SEMA3C: variants seen among roughly 807,000 people sequenced by gnomAD.
The protein encoded by SEMA3C is semaphorin 3C.
SEMA3C carries 47 observed loss-of-function variants against 89.4 expected under a neutral mutation model. The ratio of observed to expected loss-of-function variants is 0.53; its 90% confidence interval spans 0.42 to 0.67. SEMA3C has a LOEUF of 0.67. Among genes scored for constraint, SEMA3C ranks in the 30% least tolerant of loss-of-function variants. The pLI, the probability that SEMA3C is intolerant of heterozygous loss-of-function variation, is 0.00. For missense variants in SEMA3C, 839 were observed against 929.1 expected, an observed-to-expected ratio of 0.90 and a Z score of 1.26; for synonymous variants, 310 against 320.2, an observed-to-expected ratio of 0.97 and a Z score of 0.34.
intron 12 of SEMA3C, among the ~76,000 whole-genome samples, chr7:80,785,128 G>C (rs1788773131): frequency 6.6e-6 from 1 of 152,106 alleles, no homozygotes; most frequent in Non-Finnish European, 1.5e-5. Flanking sequence ...GGGAGTAGAA[G>C]GTCAGTATCT....
At chr7:80,901,762 T>C (rs1045563412) in intron 2 of SEMA3C, among the ~76,000 whole-genome samples, 1 of 152,246 alleles carries the variant, frequency 6.6e-6, no homozygotes, top group African/African-American at 2.4e-5. Flanking sequence ...ATCCAATGAG[T>C]AACATGTGTG....
chr7:80,811,495 A>C (rs1221431619), intron 5 of SEMA3C, among the ~76,000 whole-genome samples: 2 of 152,136 alleles, frequency 1.3e-5, no homozygotes, highest in African/African-American at 4.8e-5. Flanking sequence ...TGTCAGTATA[A>C]ATATGTACCT....
intron 2 of SEMA3C, among the ~76,000 whole-genome samples, chr7:80,857,286 T>C (rs774615039): frequency 1.3e-5 from 2 of 152,170 alleles, no homozygotes; most frequent in Non-Finnish European, 1.5e-5. Context: ...ACACGGGCCC[T>C]TTAATGAAGG....
intron 12 of SEMA3C, among the ~76,000 whole-genome samples, chr7:80,776,843 G>C (rs1788559617): frequency 6.6e-6 from 1 of 152,132 alleles, no homozygotes; most frequent in Admixed American, 6.5e-5. Context: ...TCTGAGCTCT[G>C]TGAAAGGAGA....
chr7:80,883,833 A>G (rs530070293), intron 2 of SEMA3C, among the ~76,000 whole-genome samples: 1 of 152,344 alleles, frequency 6.6e-6, no homozygotes, highest in African/African-American at 2.4e-5. Context: ...ATGCAGTCAT[A>G]CCATTAATTA....
At chr7:80,765,555 T>A (rs931896118) in intron 12 of SEMA3C, among the ~76,000 whole-genome samples, 15 of 148,866 alleles carry the variant, frequency 1.0e-4, no homozygotes, top group Admixed American at 9.3e-4. Context: ...ATACAATACA[T>A]AAGTTTTTTT....
intron 2 of SEMA3C, among the ~76,000 whole-genome samples, chr7:80,897,084 G>A (rs924413713): frequency 6.6e-6 from 1 of 152,250 alleles, no homozygotes; most frequent in African/African-American, 2.4e-5. Flanking sequence ...TCAACCACTG[G>A]CACACATTTT....
intron 15 of SEMA3C, among the ~76,000 whole-genome samples, chr7:80,757,909 T>G (rs192757316): frequency 0.012 from 1,828 of 152,292 alleles, 24 homozygotes; most frequent in Middle Eastern, 0.048. Flanking sequence ...GAGGTTGCAG[T>G]GAGCCAAGAT....
At chr7:80,903,110 C>T (rs775726130) in intron 2 of SEMA3C, among the ~76,000 whole-genome samples, 7 of 152,124 alleles carry the variant, frequency 4.6e-5, no homozygotes, top group East Asian at 3.9e-4. Context: ...TTTGCAGTCA[C>T]GCATCCCTTA....
intron 4 of SEMA3C, among the ~76,000 whole-genome samples, chr7:80,823,001 T>C (rs1481626307): frequency 6.6e-6 from 1 of 152,206 alleles, no homozygotes; most frequent in African/African-American, 2.4e-5. Context: ...TTTCTTTTCA[T>C]TGTTTAATTC....
intron 4 of SEMA3C, among the ~76,000 whole-genome samples, chr7:80,825,778 GA>G (rs1232447869): frequency 6.6e-6 from 1 of 151,750 alleles, no homozygotes. Flanking sequence ...ACATCAATGG[GA>G]AAAAAATCTC....
chr7:80,826,894 A>G (rs1290387707), intron 4 of SEMA3C, among the ~76,000 whole-genome samples: 5 of 152,160 alleles, frequency 3.3e-5, no homozygotes, highest in Non-Finnish European at 5.9e-5. Flanking sequence ...GAGGAATACA[A>G]TTTGCACAGG....
intron 12 of SEMA3C, among the ~76,000 whole-genome samples, chr7:80,784,040 G>C (rs982059163): frequency 6.6e-6 from 1 of 152,094 alleles, no homozygotes; most frequent in Non-Finnish European, 1.5e-5. Flanking sequence ...TCTGATTCAT[G>C]TATAATGCTA....
At position 80,896,710 on chromosome 7, in the gene SEMA3C, T is replaced by C. The variant is rs182743909; in HGVS notation, c.103+19969A>G. The stretch of plus-strand genomic sequence containing the variant: ...TTCTTCACAACTTGCTGTCTCAGAA[T>C]TGTCTGTTGGGCCCTATTCTGGTCC... On this transcript the variant is annotated intron_variant, in intron 2 of 17. Transcript: ENST00000265361. Among the ~76,000 whole-genome samples, 678 of 152,272 alleles carry C rather than the reference T, an allele frequency of 4.5e-3. 4 individuals carry two copies. The highest frequency in any genetic ancestry group is 7.0e-3 in the Non-Finnish European group (477 of 68,012).
intron 2 of SEMA3C, among the ~76,000 whole-genome samples, chr7:80,860,571 T>C (rs1445463021): frequency 6.6e-6 from 1 of 152,180 alleles, no homozygotes; most frequent in Non-Finnish European, 1.5e-5. Flanking sequence ...TTATCCTGTT[T>C]CCATTTGATA....
intron 2 of SEMA3C, among the ~76,000 whole-genome samples, chr7:80,878,998 G>C (rs1429004475): frequency 6.6e-6 from 1 of 152,122 alleles, no homozygotes; most frequent in African/African-American, 2.4e-5. Flanking sequence ...AATCAAATCG[G>C]ATAAGGGGTG....
chr7:80,870,919 T>A (rs1028361635), intron 2 of SEMA3C, among the ~76,000 whole-genome samples: 2 of 152,200 alleles, frequency 1.3e-5, no homozygotes, highest in Admixed American at 1.3e-4. Context: ...CCCTGCTTTA[T>A]ATGAAAGGAC....
At chr7:80,754,179 C>T (rs760008064) in intron 15 of SEMA3C, among the ~76,000 whole-genome samples, 8 of 152,252 alleles carry the variant, frequency 5.3e-5, no homozygotes, top group South Asian at 4.1e-4. Flanking sequence ...TCAGGCAATC[C>T]GCCTGCCTCG....
At chr7:80,774,554 A>C (rs879761862) in intron 12 of SEMA3C, among the ~76,000 whole-genome samples, 14 of 152,180 alleles carry the variant, frequency 9.2e-5, no homozygotes, top group Non-Finnish European at 1.6e-4. Flanking sequence ...TTTAGAACTA[A>C]AAGTATAATA....
Sources: gnomAD v4.1 joint callset for allele counts (sites outside exome capture counted in the v4.1 genomes callset) on GRCh38, gnomAD v4.1.1 for gene constraint, MANE v1.5 for transcripts, NCBI Gene and HGNC (gene_info 2026-07-23, HGNC 2026-07-21) for gene names.